NRXN1: variants seen among roughly 807,000 people sequenced by gnomAD.
The protein encoded by NRXN1 is neurexin-1.
A neutral mutation model predicts 150.9 loss-of-function variants in NRXN1; 39 were observed. That is an observed-to-expected ratio of 0.26 (90% CI 0.20 to 0.34). The LOEUF (loss-of-function observed/expected upper bound fraction) is 0.34, where lower values mean the gene tolerates loss of function less well. Ranked by LOEUF, NRXN1 falls within the 10% of genes least tolerant of loss-of-function variation. The probability of loss-of-function intolerance (pLI) is 1.00; values close to 1 mark genes in which losing one functional copy is unlikely to be tolerated. For missense variants in NRXN1, 1,815 were observed against 1,949.9 expected (o/e 0.93, Z 1.30); for synonymous variants, 924 against 757.0 (o/e 1.22, Z -3.62).
chr2:51,031,861 C>T (rs1671621979), intron 1 of NRXN1, 120 bp downstream of exon 1: 1 of 152,204 alleles, frequency 6.6e-6, no homozygotes, highest in Non-Finnish European at 1.5e-5. Context: ...CACCCTCCCA[C>T]CACCCATCTT....
At chr2:49,943,652 G>A in intron 22 of NRXN1, 52 bp downstream of exon 22, 3 of 1,230,912 alleles carry the variant, frequency 2.4e-6, no homozygotes, top group Non-Finnish European at 3.6e-6. Context: ...AATATAACAT[G>A]CAACAAAGAT....
chr2:50,243,357 T>C (rs1346343479), intron 17 of NRXN1, among the ~76,000 whole-genome samples: 3 of 151,798 alleles, frequency 2.0e-5, no homozygotes, highest in African/African-American at 4.8e-5. Flanking sequence ...AAGTTTGTCA[T>C]ATATAGCAAA....
chr2:50,752,534 C>T (rs552810731), intron 5 of NRXN1, among the ~76,000 whole-genome samples: 10 of 151,984 alleles, frequency 6.6e-5, no homozygotes, highest in Admixed American at 5.3e-4. Context: ...AAGCAATCTA[C>T]GTTGTATGGC....
At chr2:50,963,716 C>G (rs1374838132) in intron 2 of NRXN1, among the ~76,000 whole-genome samples, 5 of 151,602 alleles carry the variant, frequency 3.3e-5, no homozygotes, top group Non-Finnish European at 7.4e-5. Flanking sequence ...AGCAGAGTGA[C>G]TAACTGATAG....
At chr2:50,044,143 T>G (rs1261287126) in intron 21 of NRXN1, among the ~76,000 whole-genome samples, 2 of 152,332 alleles carry the variant, frequency 1.3e-5, no homozygotes, top group East Asian at 3.9e-4. Context: ...GATTTTAAAG[T>G]TCTCATTGTT....
In NRXN1 at chr2:51,028,089, C is replaced by G. The variant is rs1476357524; in HGVS notation, c.185G>C (p.Ser62Thr). The G allele has an allele frequency of 1.3e-6, 2 of 1,584,972 alleles. No homozygotes were observed. Among genetic ancestry groups the G allele is most frequent in the Admixed American group, 1.7e-5 (1 of 58,448 alleles). The part of the protein sequence containing the change: ...SEMSFQLKTR[S>T]ARGLVLYFDD... The stretch of plus-strand genomic sequence containing the variant: ...GAAGTAGAGCACGAGGCCGCGGGCG[C>G]TGCGAGTCTTGAGCTGGAAGCTCAT... Residue 62 changes from serine (S) to threonine (T), a missense_variant, in exon 2 of 23, where the codon AGC becomes ACC. Coordinates refer to ENST00000401669, the MANE Select transcript of NRXN1 (RefSeq NM_001330078.2).
chr2:49,996,477 A>C (rs1464773339), intron 21 of NRXN1, among the ~76,000 whole-genome samples: 2 of 152,218 alleles, frequency 1.3e-5, no homozygotes, highest in Admixed American at 6.5e-5. Flanking sequence ...TGGAATTTTT[A>C]AATAAGTTAA....
intron 21 of NRXN1, among the ~76,000 whole-genome samples, chr2:49,984,809 C>A (rs1211619144): frequency 3.9e-5 from 6 of 151,928 alleles, no homozygotes; most frequent in Non-Finnish European, 8.8e-5. Flanking sequence ...TCTGAAAGTT[C>A]AGAGAAGAAT....
intron 12 of NRXN1, among the ~76,000 whole-genome samples, chr2:50,518,539 T>C (rs1277517171): frequency 6.6e-6 from 1 of 151,932 alleles, no homozygotes; most frequent in African/African-American, 2.4e-5. Context: ...CAATGCCAAG[T>C]TGTCTGAATA....
intron 2 of NRXN1, among the ~76,000 whole-genome samples, chr2:50,940,849 C>T (rs561234815): frequency 6.6e-6 from 1 of 152,098 alleles, no homozygotes; most frequent in African/African-American, 2.4e-5. Context: ...GCATCTGAAA[C>T]TATGTATATC....
intron 5 of NRXN1, among the ~76,000 whole-genome samples, chr2:50,652,198 C>A (rs374988215): frequency 6.6e-6 from 1 of 152,066 alleles, no homozygotes. Flanking sequence ...CTCCAGGCTT[C>A]TATATTCAAG....
chr2:50,329,501 ATAAC>A (rs2076604428), intron 17 of NRXN1, among the ~76,000 whole-genome samples: 1 of 150,142 alleles, frequency 6.7e-6, no homozygotes. Context: ...AAATCTAAAA[ATAAC>A]TATACCTTCT....
At chr2:50,687,962 G>C (rs1031189805) in intron 5 of NRXN1, among the ~76,000 whole-genome samples, 1 of 152,098 alleles carries the variant, frequency 6.6e-6, no homozygotes, top group African/African-American at 2.4e-5. Flanking sequence ...TCTTCATATC[G>C]AGATGGAGGG....
chr2:50,327,387 G>A (rs1039261752), intron 17 of NRXN1, among the ~76,000 whole-genome samples: 1 of 152,166 alleles, frequency 6.6e-6, no homozygotes, highest in African/African-American at 2.4e-5. Context: ...GGAGAACTGT[G>A]ACTAAGACGT....
At chr2:50,702,366 AAC>A (rs201190555) in intron 5 of NRXN1, among the ~76,000 whole-genome samples, 4,452 of 151,924 alleles carry the variant, frequency 0.029, 227 homozygotes, top group African/African-American at 0.1. Context: ...GAAAAAAAAA[AAC>A]AAAACAAAAC....
intron 18 of NRXN1, among the ~76,000 whole-genome samples, chr2:50,175,959 C>A (rs894578539): frequency 3.3e-5 from 5 of 152,018 alleles, no homozygotes; most frequent in Non-Finnish European, 5.9e-5. Flanking sequence ...AAGAAATTCA[C>A]AAATACTGTT....
At chr2:50,900,032 A>G (rs1682676276) in intron 5 of NRXN1, among the ~76,000 whole-genome samples, 1 of 152,226 alleles carries the variant, frequency 6.6e-6, no homozygotes, top group Admixed American at 6.5e-5. Flanking sequence ...TTTTGTGTGT[A>G]AATTAAGCAT....
intron 17 of NRXN1, among the ~76,000 whole-genome samples, chr2:50,244,900 T>C (rs777365852): frequency 1.1e-4 from 17 of 151,870 alleles, no homozygotes; most frequent in Non-Finnish European, 2.4e-4. Flanking sequence ...AAAGCACTGA[T>C]TAATGAAAAC....
intron 17 of NRXN1, among the ~76,000 whole-genome samples, chr2:50,271,933 A>G (rs2069724435): frequency 6.6e-6 from 1 of 152,200 alleles, no homozygotes; most frequent in South Asian, 2.1e-4. Context: ...GTAAAGGACG[A>G]AGCACTAGGT....
Sources: allele counts gnomAD v4.1 joint callset (sites outside exome capture counted in the v4.1 genomes callset), GRCh38; gene constraint gnomAD v4.1.1; transcripts MANE v1.5; gene names NCBI Gene and HGNC (gene_info 2026-07-23, HGNC 2026-07-21).